The following GSE1 variants were observed in gnomAD, a reference collection of about 807,000 sequenced individuals.
GSE1 encodes the protein Gse1 coiled-coil protein, also known as genetic suppressor element 1.
Under a neutral mutation model 112.6 loss-of-function variants are expected in GSE1, and 32 were observed. The observed-to-expected ratio is 0.28, with a 90% CI of 0.21 to 0.38. The LOEUF is 0.38. Ranked by LOEUF, GSE1 falls within the 10% of genes least tolerant of loss-of-function variation. GSE1 has a pLI of 1.00. For missense variants in GSE1, 2,348 were observed against 1,699.2 expected, an observed-to-expected ratio of 1.38 and a Z score of -6.71; for synonymous variants, 1,115 against 735.6, an observed-to-expected ratio of 1.52 and a Z score of -8.35.
rs184435750 is a variant in GSE1, at chr16:85,661,528, C to A, written c.2023C>A (p.Leu675Met). ...QPFLPGPGPFLAELEKSTQTI... is the reference protein window; with the variant it reads ...QPFLPGPGPFMAELEKSTQTI... ...CTTCCTGCCCGGGCCCGGGCCCTTC[C>A]TGGCTGAGCTCGAGAAGTCCACCCA... The change falls in exon 9 of 16, where the codon CTG becomes ATG. Residue 675 changes from leucine (L) to methionine (M), a missense_variant. Coordinates refer to ENST00000253458, the MANE Select transcript of GSE1 (RefSeq NM_014615.5). The A allele has an allele frequency of 6.2e-7, 1 of 1,612,144 alleles. No individual in the cohort carries two copies.
At chr16:85,191,837 C>A (rs773755833) in intron 1 of GSE1, among the ~76,000 whole-genome samples, 1 of 152,116 alleles carries the variant, frequency 6.6e-6, no homozygotes, top group African/African-American at 2.4e-5. Context: ...AGAAGATTTC[C>A]CTGACACCAT....
At position 85,380,503 on chromosome 16, in the gene GSE1, G is replaced by T. The variant is rs535452014; in HGVS notation, c.2464+22860G>T. Among the ~76,000 whole-genome samples the T allele has an allele frequency of 7.7e-3, 572 of 73,976 alleles. 5 individuals carry two copies. The highest frequency in any genetic ancestry group is 0.016 in the African/African-American group (557 of 34,394). 48.5% of individuals were successfully genotyped at this position (73,976 alleles called of 152,430 possible). A position where few individuals can be genotyped will look rare whatever the true frequency, so the allele number is the denominator to read the frequency against. On this transcript the variant is annotated intron_variant, in intron 2 of 2. Transcript: ENST00000637419. ...ATAGAAGCAGGGTGAGGCAAGGTGG[G>T]AGGACACCCCCCCTCCACCCGCCAC...
intron 1 of GSE1, among the ~76,000 whole-genome samples, chr16:85,283,761 T>C (rs2044929578): frequency 6.6e-6 from 1 of 152,356 alleles, no homozygotes; most frequent in Admixed American, 6.5e-5. Context: ...ATTAGCTCAT[T>C]CAGCCCTCAA....
intron 1 of GSE1, among the ~76,000 whole-genome samples, chr16:85,262,364 G>A (rs554403488): frequency 4.6e-4 from 70 of 152,284 alleles, no homozygotes; most frequent in African/African-American, 1.6e-3. Context: ...AGAGATTGTC[G>A]GGGAGGGGGC....
At chr16:85,447,032 A>G (rs867621490) in intron 2 of GSE1, among the ~76,000 whole-genome samples, 1 of 151,920 alleles carries the variant, frequency 6.6e-6, no homozygotes, top group Non-Finnish European at 1.5e-5. Flanking sequence ...CTGAGCCTCT[A>G]TTTTGAGCCA....
intron 10 of GSE1, 91 bp from the exon 11 acceptor site, chr16:85,663,253 C>T (rs1287028996): frequency 4.1e-6 from 6 of 1,452,644 alleles, no homozygotes; most frequent in Admixed American, 3.6e-5. Flanking sequence ...CTACGGCCCA[C>T]ACTTCGAGGA....
At chr16:85,297,498 T>G (rs1028469791) in intron 1 of GSE1, among the ~76,000 whole-genome samples, 2 of 152,186 alleles carry the variant, frequency 1.3e-5, no homozygotes, top group African/African-American at 2.4e-5. Context: ...TATTGTGTTT[T>G]TTTTGTTTTG....
intron 8 of GSE1, 64 bp downstream of exon 8, chr16:85,657,668 T>C: frequency 1.7e-6 from 2 of 1,146,702 alleles, no homozygotes; most frequent in East Asian, 2.9e-5. Flanking sequence ...CAGCGTGTAT[T>C]GAGCACCTCC....
intron 1 of GSE1, among the ~76,000 whole-genome samples, chr16:85,295,386 C>T (rs752532084): frequency 2.6e-5 from 4 of 152,244 alleles, no homozygotes; most frequent in Non-Finnish European, 4.4e-5. Flanking sequence ...TGCTGCAGCG[C>T]GGGTCAGCAC....
intron 1 of GSE1, among the ~76,000 whole-genome samples, chr16:85,617,909 GCCA>G: frequency 6.6e-6 from 1 of 152,190 alleles, no homozygotes; most frequent in African/African-American, 2.4e-5. Flanking sequence ...TCCCCTCTAC[GCCA>G]CCTCCCCCGC....
rs373053345 is a variant in GSE1, at chr16:85,276,430, C to G, written c.2284-81033C>G. ...CCAGGTCAGCGATTTGTTCACCCAG[C>G]GGTTTTCTGAGCACCGCCTGTGTAC... On this transcript the variant is annotated intron_variant, in intron 1 of 2. Transcript: ENST00000637419. Among the ~76,000 whole-genome samples the G allele has an allele frequency of 7.7e-4, 118 of 152,334 alleles. 1 individual carries two copies. The highest frequency in any genetic ancestry group is 2.5e-3 in the African/African-American group (105 of 41,570).
chr16:85,670,244 TC>T lies in GSE1; in HGVS notation c.3416-749del, dbSNP rs1030052085. The stretch of plus-strand genomic sequence containing the variant: ...CCTGCAAATACAAGGTTTGGTTCTT[TC>T]CTTTTGAATTTGTCTGATTGTCTTG... On this transcript the variant is annotated intron_variant, in intron 14 of 15. Transcript: ENST00000253458. 3.9e-5 allele frequency among the ~76,000 whole-genome samples: 6 copies of T among 152,226 alleles called. 1 individual carries two copies. Among genetic ancestry groups the T allele is most frequent in the African/African-American group, 1.2e-4 (5 of 41,446 alleles).
At chr16:85,350,867 C>T (rs1251390745) in intron 1 of GSE1, among the ~76,000 whole-genome samples, 5 of 152,208 alleles carry the variant, frequency 3.3e-5, no homozygotes, top group Non-Finnish European at 5.9e-5. Flanking sequence ...GCAACCTCTG[C>T]CTCCTGGGTT....
chr16:85,417,831 G>T (rs1027790520), intron 2 of GSE1, among the ~76,000 whole-genome samples: 1 of 152,226 alleles, frequency 6.6e-6, no homozygotes, highest in East Asian at 1.9e-4. Flanking sequence ...AGGGCTGAAG[G>T]CTGCATTTCT....
chr16:85,374,785 C>G (rs1048406102), intron 2 of GSE1, among the ~76,000 whole-genome samples: 9 of 152,274 alleles, frequency 5.9e-5, no homozygotes, highest in Middle Eastern at 6.8e-3. Flanking sequence ...GGACCCTCGC[C>G]AACCTCCTCT....
At chr16:85,421,342 G>A (rs2048840974) in intron 2 of GSE1, among the ~76,000 whole-genome samples, 1 of 152,032 alleles carries the variant, frequency 6.6e-6, no homozygotes, top group East Asian at 1.9e-4. Context: ...CTTTCCACAG[G>A]GTCACCCCAA....
intron 2 of GSE1, among the ~76,000 whole-genome samples, chr16:85,468,981 G>C (rs886990214): frequency 2.6e-5 from 4 of 152,214 alleles, no homozygotes; most frequent in African/African-American, 4.8e-5. Context: ...GAGGCTGGGC[G>C]TGGTGGCTTA....
upstream of GSE1, chr16:85,555,863 T>G (rs1266421245): frequency 1.1e-6 from 1 of 909,186 alleles, no homozygotes; most frequent in East Asian, 1.2e-4. Flanking sequence ...CCTGAAGATC[T>G]TAACCCCCCA....
At chr16:85,498,634 G>A (rs915799095) in intron 2 of GSE1, among the ~76,000 whole-genome samples, 4 of 152,118 alleles carry the variant, frequency 2.6e-5, no homozygotes, top group East Asian at 1.9e-4. Context: ...CCACACATGC[G>A]CACCTACAAC....
Sources: allele counts gnomAD v4.1 joint callset (sites outside exome capture counted in the v4.1 genomes callset), GRCh38; gene constraint gnomAD v4.1.1; transcripts MANE v1.5; gene names NCBI Gene and HGNC (gene_info 2026-07-23, HGNC 2026-07-21).